Variants in ZNF729 observed in about 807,000 individuals in gnomAD.
The protein encoded by ZNF729 is zinc finger protein 729.
In ZNF729, 15 loss-of-function variants were observed where a neutral mutation model predicts 12.2. That is an observed-to-expected ratio of 1.23 (90% CI 0.82 to 1.89). The LOEUF (loss-of-function observed/expected upper bound fraction) is 1.89. Ranked by LOEUF, ZNF729 falls within the 40% of genes most tolerant of loss-of-function variation. The pLI is 0.00. For synonymous variants in ZNF729, 492 were observed against 476.3 expected (o/e 1.03, Z -0.43); for missense variants, 1,540 against 1,456.7 (o/e 1.06, Z -0.93).
intron 3 of ZNF729, among the ~76,000 whole-genome samples, chr19:22,306,428 ACTCCAT>A (rs200892711): frequency 0.041 from 5,883 of 142,808 alleles, 154 homozygotes; most frequent in African/African-American, 0.071. Context: ...ACAGAGTGAG[ACTCCAT>A]CTCAAAAAAA....
At chr19:22,296,828 C>T (rs545772730) in intron 1 of ZNF729, among the ~76,000 whole-genome samples, 1 of 152,122 alleles carries the variant, frequency 6.6e-6, no homozygotes. Flanking sequence ...TAAATTTCCA[C>T]CTTAATTTTA....
chr19:22,294,954 G>A (rs1251709749), intron 1 of ZNF729, among the ~76,000 whole-genome samples: 1 of 151,592 alleles, frequency 6.6e-6, no homozygotes, highest in African/African-American at 2.4e-5. Flanking sequence ...ACCGTGCCTG[G>A]CCGTCTGTGA....
intron 1 of ZNF729, among the ~76,000 whole-genome samples, chr19:22,293,224 C>T (rs1599752272): frequency 6.6e-6 from 1 of 152,140 alleles, no homozygotes; most frequent in Non-Finnish European, 1.5e-5. Context: ...CTCACTCTGT[C>T]GCCCAGGCTA....
At chr19:22,309,436 CT>C (rs1968423708) in intron 3 of ZNF729, among the ~76,000 whole-genome samples, 1 of 152,018 alleles carries the variant, frequency 6.6e-6, no homozygotes, top group South Asian at 2.1e-4. Context: ...CAGAGCAAAA[CT>C]CCATCTCAGA....
intron 3 of ZNF729, among the ~76,000 whole-genome samples, chr19:22,307,823 T>G (rs1968402689): frequency 7.2e-6 from 1 of 139,018 alleles, no homozygotes; most frequent in African/African-American, 3.0e-5. Flanking sequence ...TTTTTTTTTT[T>G]TGTCTTTAAG....
chr19:22,305,740 A>G (rs148220991), intron 3 of ZNF729, among the ~76,000 whole-genome samples: 63 of 152,256 alleles, frequency 4.1e-4, no homozygotes, highest in African/African-American at 1.2e-3. Flanking sequence ...GGTCTCTTGT[A>G]GGAACATATT....
At chr19:22,307,800 GTTTTTTTTT>G in intron 3 of ZNF729, among the ~76,000 whole-genome samples, 53 of 53,372 alleles carry the variant, frequency 9.9e-4, no homozygotes, top group Admixed American at 4.6e-4. Flanking sequence ...AAAGCTCTGT[GTTTTTTTTT>G]TTTTTTTTTT....
Position 22,286,557 on chromosome 19 carries a change from TGA to T in ZNF729, c.30+6_30+7del. ...GGTGCCCCTGGCAGCCTAGAAATGG[TGA>T]GAGTGCCGGGTCCGACATCCCGAGA... On this transcript the variant is annotated splice_donor_region_variant and intron_variant, in intron 1 of 3. Coordinates refer to ENST00000601693, the MANE Select transcript of ZNF729 (RefSeq NM_001242680.2). 4 of 1,613,556 alleles carry T rather than the reference TGA, an allele frequency of 2.5e-6. No homozygotes were observed.
chr19:22,304,686 A>T lies in ZNF729; in HGVS notation c.158-2A>T. 4 of 1,609,688 alleles carry T rather than the reference A, an allele frequency of 2.5e-6. No individual in the cohort carries two copies. The highest frequency in any genetic ancestry group is 3.4e-6 in the Non-Finnish European group (4 of 1,177,760). On this transcript the variant is annotated splice_acceptor_variant, in intron 2 of 3. Transcript: ENST00000601693. LOFTEE classifies it high-confidence loss of function. ...TTATGTTATTTATTTTTAATAAAAC[A>T]GGTATGGCTGTCTTTAAGCCAGACT...
chr19:22,304,495 T>G (rs868036367), intron 2 of ZNF729, among the ~76,000 whole-genome samples, 193 bp from the exon 3 acceptor site: 2 of 152,324 alleles, frequency 1.3e-5, no homozygotes, highest in African/African-American at 4.8e-5. Context: ...CAACAATTTT[T>G]GATTCAGTAG....
chr19:22,306,536 TTAAC>T (rs1476348806), intron 3 of ZNF729, among the ~76,000 whole-genome samples: 2 of 151,186 alleles, frequency 1.3e-5, no homozygotes, highest in African/African-American at 4.8e-5. Flanking sequence ...CATTTCTTGT[TTAAC>T]TATTTTTTGT....
At chr19:22,312,440 TTGTGTGTGTGTGTGTGTGTGTG>T (rs138264785) in intron 3 of ZNF729, among the ~76,000 whole-genome samples, 1 of 144,552 alleles carries the variant, frequency 6.9e-6, no homozygotes, top group Non-Finnish European at 1.5e-5. Context: ...TTGTCTGAAA[TTGTGTGTGTGTGTGTGTGTGTG>T]TGTGTGTGTG....
chr19:22,310,233 G>A (rs1235467904), intron 3 of ZNF729, among the ~76,000 whole-genome samples: 1 of 151,924 alleles, frequency 6.6e-6, no homozygotes, highest in African/African-American at 2.4e-5. Context: ...AAGACTTCTA[G>A]TACTGTGTTG....
intron 1 of ZNF729, among the ~76,000 whole-genome samples, chr19:22,294,909 G>T (rs1382383309): frequency 6.6e-6 from 1 of 151,730 alleles, no homozygotes; most frequent in African/African-American, 2.4e-5. Context: ...CACCCGGCTC[G>T]GCTTCCCAAA....
At chr19:22,312,304 A>C (rs1179471496) in intron 3 of ZNF729, among the ~76,000 whole-genome samples, 5 of 152,180 alleles carry the variant, frequency 3.3e-5, no homozygotes, top group East Asian at 1.9e-4. Context: ...CGTTGATTAA[A>C]ATTTGTACAT....
chr19:22,301,086 A>G (rs1286738679), intron 1 of ZNF729, among the ~76,000 whole-genome samples: 1 of 152,194 alleles, frequency 6.6e-6, no homozygotes, highest in African/African-American at 2.4e-5. Flanking sequence ...CTATTGCCAC[A>G]AGTAGCTATA....
intron 3 of ZNF729, among the ~76,000 whole-genome samples, chr19:22,307,022 C>T (rs1968386653): frequency 6.6e-6 from 1 of 151,284 alleles, no homozygotes; most frequent in South Asian, 2.1e-4. Context: ...TACTGTCTAG[C>T]ATCATTTTAT....
chr19:22,315,802 C>A lies in ZNF729; in HGVS notation c.2385C>A (p.Pro795=), dbSNP rs755544990. The A allele has an allele frequency of 3.8e-5, 61 of 1,610,106 alleles. No homozygotes were observed. In the African/African-American group the frequency reaches 7.8e-4, roughly 20 times the overall value. ...AGGTAATTCATACTGGAGAGAAACC[C>A]TACAAGTGTGAAGAATGTGGTAAAG... The part of the protein sequence containing the change: ...KHKVIHTGEK[P]YKCEECGKAF... The change falls in exon 4 of 4, where the codon CCC becomes CCA. Residue 795 remains proline (P), a synonymous_variant. Transcript: ENST00000601693.
chr19:22,290,319 C>T (rs768209121), intron 1 of ZNF729, among the ~76,000 whole-genome samples: 3 of 152,148 alleles, frequency 2.0e-5, no homozygotes, highest in Admixed American at 1.3e-4. Flanking sequence ...GAGGGTCTTA[C>T]TGAAGATGAA....
Sources: gnomAD v4.1 joint callset for allele counts (sites outside exome capture counted in the v4.1 genomes callset) on GRCh38, gnomAD v4.1.1 for gene constraint, MANE v1.5 for transcripts, NCBI Gene and HGNC (gene_info 2026-07-23, HGNC 2026-07-21) for gene names.